Variants in COL6A2 observed in about 807,000 individuals in gnomAD.
COL6A2 encodes collagen type VI alpha 2 chain.
A neutral mutation model predicts 124.9 loss-of-function variants in COL6A2; 90 were observed. That is an observed-to-expected ratio of 0.72 (90% CI 0.61 to 0.86). The LOEUF (loss-of-function observed/expected upper bound fraction) is 0.86, where lower values mean the gene tolerates loss of function less well. COL6A2 is among the 40% of genes least tolerant of loss of function. COL6A2 has a pLI of 0.00. For missense variants in COL6A2, 1,607 were observed against 1,502.5 expected, an observed-to-expected ratio of 1.07 and a Z score of -1.15; for synonymous variants, 793 against 618.2, an observed-to-expected ratio of 1.28 and a Z score of -4.19.
chr21:46,116,493 T>C lies in COL6A2; in HGVS notation c.927+90T>C. 6.3e-7 allele frequency: 1 copy of C among 1,586,654 alleles called. No individual in the cohort carries two copies. Among genetic ancestry groups the C allele is most frequent in the South Asian group, 1.1e-5 (1 of 90,052 alleles). On this transcript the variant is annotated intron_variant, in intron 8 of 27. Coordinates refer to ENST00000300527, the MANE Select transcript of COL6A2 (RefSeq NM_001849.4). This position sits in a 1 kb window ranked among gnomAD's most constrained non-coding sequence, Gnocchi z 4.6. ...GTCCGCCGCAGCCTGTCACTGCTCC[T>C]GGGGCACCGGCCTGGTCTTTTCTCA...
intron 1 of COL6A2, among the ~76,000 whole-genome samples, chr21:46,098,461 G>GC (rs1270775260): frequency 6.6e-6 from 1 of 151,712 alleles, no homozygotes; most frequent in African/African-American, 2.4e-5. Context: ...CGGGGTGGGG[G>GC]GGTCCCTGTC....
At chr21:46,122,467 A>T in intron 19 of COL6A2, 29 bp from the exon 20 acceptor site, 2 of 1,612,836 alleles carry the variant, frequency 1.2e-6, no homozygotes, top group Non-Finnish European at 8.5e-7. Flanking sequence ...TCTGAGGCTG[A>T]GTCACCCTGG....
chr21:46,129,116 G>A (rs1018849101), intron 27 of COL6A2: 35 of 1,606,538 alleles, frequency 2.2e-5, no homozygotes, highest in African/African-American at 4.0e-5. Context: ...CTCTGGCCTC[G>A]CTGAGCGGCT....
intron 27 of COL6A2, 68 bp from the exon 28 acceptor site, chr21:46,131,886 C>A: frequency 7.0e-7 from 1 of 1,424,096 alleles, no homozygotes; most frequent in Non-Finnish European, 9.6e-7. Context: ...GGCACAGGTG[C>A]GGGGCTGGCA....
chr21:46,121,245 C>T (rs1174009142), intron 17 of COL6A2, 122 bp downstream of exon 17: 1 of 994,588 alleles, frequency 1.0e-6, no homozygotes, highest in Non-Finnish European at 1.6e-6. Flanking sequence ...AGAGCCTGGC[C>T]TCAGAAGCCA....
chr21:46,114,424 C>CAAAAAA (rs751941293), intron 5 of COL6A2, among the ~76,000 whole-genome samples: 7 of 96,624 alleles, frequency 7.2e-5, no homozygotes, highest in Non-Finnish European at 1.2e-4. Context: ...GACTCTGTCT[C>CAAAAAA]AAAAAAAAAA....
rs2078579481 is a variant in COL6A2, at chr21:46,122,304, T to G, written c.1572+146T>G. ...CTGCGGGACAGAGTGGTGAGAAGGC[T>G]TCGGGTGACTCAGTGAAGGATAGGT... On this transcript the variant is annotated intron_variant, in intron 19 of 27. Coordinates refer to ENST00000300527, the MANE Select transcript of COL6A2 (RefSeq NM_001849.4). 2.4e-6 allele frequency: 3 copies of G among 1,224,788 alleles called. No individual in the cohort carries two copies. The Admixed American group carries it at 5.9e-5, about 24-fold the overall frequency. The allele number at this position is 1,224,788 out of a possible 1,614,324, so 75.9% of individuals were successfully genotyped here. A position where few individuals can be genotyped will look rare whatever the true frequency, so the allele number is the denominator to read the frequency against.
chr21:46,116,285 C>T lies in COL6A2; in HGVS notation c.901-92C>T, dbSNP rs527835260. 140 of 1,459,312 alleles carry T rather than the reference C, an allele frequency of 9.6e-5. No homozygotes were observed. In the African/African-American group the frequency reaches 1.3e-3, roughly 14 times the overall value. 90.4% of individuals were successfully genotyped at this position (1,459,312 alleles called of 1,614,324 possible). A position where few individuals can be genotyped will look rare whatever the true frequency, so the allele number is the denominator to read the frequency against. On this transcript the variant is annotated intron_variant, in intron 7 of 27. Coordinates refer to ENST00000300527, the MANE Select transcript of COL6A2 (RefSeq NM_001849.4). This position sits in a 1 kb window ranked among gnomAD's most constrained non-coding sequence, Gnocchi z 4.6. ...AGAACACTAGATGCCAGCGGCCCAC[C>T]GAGCACTCCCCTCAGCCTGCAGGGC... is the stretch of plus-strand genomic sequence containing the variant.
chr21:46,105,691 C>G (rs2123599377), intron 1 of COL6A2, among the ~76,000 whole-genome samples: 1 of 152,012 alleles, frequency 6.6e-6, no homozygotes, highest in Admixed American at 6.5e-5. Context: ...AATGCAATCC[C>G]CATGGTAACA....
Position 46,124,540 on chromosome 21 carries a change from C to T in COL6A2, c.1672-111C>T, listed in dbSNP as rs369935000. 0.51 allele frequency: 455,087 copies of T among 888,704 alleles called. 119,019 individuals are homozygous for T. The highest frequency in any genetic ancestry group is 0.64 in the Admixed American group (34,381 of 53,330). The allele number at this position is 888,704 out of a possible 1,614,324, so 55.1% of individuals were successfully genotyped here. A position where few individuals can be genotyped will look rare whatever the true frequency, so the allele number is the denominator to read the frequency against. On this transcript the variant is annotated intron_variant, in intron 21 of 27. Coordinates refer to ENST00000300527, the MANE Select transcript of COL6A2 (RefSeq NM_001849.4). ...GTCTTACTCCTTGCACCTGTTAGCC[C>T]CCCCCCCCGCCAAGGGAGGACCCGT... is the stretch of plus-strand genomic sequence containing the variant.
intron 27 of COL6A2, 92 bp from the exon 28 acceptor site, chr21:46,131,862 G>A: frequency 8.3e-7 from 1 of 1,200,376 alleles, no homozygotes; most frequent in Non-Finnish European, 1.2e-6. Flanking sequence ...TTGCAGGCAG[G>A]GTGCGAATGG....
At position 46,132,190 on chromosome 21, in the gene COL6A2, GCCAT is replaced by G. The variant is rs1416142978; in HGVS notation, c.2702_2705del (p.Ile901ThrfsTer10). On this transcript the variant is annotated frameshift_variant, in exon 28 of 28. Transcript: ENST00000300527. LOFTEE classifies it high-confidence loss of function. ...CTTCCCGCTGAGCCACAACCTCACG[GCCAT>G]CCACGAGGCGCTGGAGACCACACAA... The G allele has an allele frequency of 3.2e-6, 5 of 1,576,078 alleles. No homozygotes were observed. The highest frequency in any genetic ancestry group is 4.3e-6 in the Non-Finnish European group (5 of 1,162,216).
At chr21:46,131,923 C>T (rs1355451749) in intron 27 of COL6A2, 31 bp from the exon 28 acceptor site, 5 of 1,555,912 alleles carry the variant, frequency 3.2e-6, no homozygotes, top group Non-Finnish European at 4.3e-6. Flanking sequence ...CACCTCCCCT[C>T]CGCCCAGCCC....
rs150275851 is a variant in COL6A2, at chr21:46,125,327, CG to C, written c.1816+18del. The C allele has an allele frequency of 0.037, 58,979 of 1,608,120 alleles. 1,300 individuals are homozygous for C. Among genetic ancestry groups the C allele is most frequent in the Non-Finnish European group, 0.044 (51,271 of 1,177,070 alleles). On this transcript the variant is annotated intron_variant, in intron 24 of 27. Coordinates refer to ENST00000300527, the MANE Select transcript of COL6A2 (RefSeq NM_001849.4). ...GGGTGCTGCGGTGAGGCACTGCCCA[CG>C]GCAGGGTCGGGGCCCATGCACCGGG...
chr21:46,107,190 G>A (rs1416578758), intron 1 of COL6A2, among the ~76,000 whole-genome samples: 1 of 151,958 alleles, frequency 6.6e-6, no homozygotes, highest in Non-Finnish European at 1.5e-5. Flanking sequence ...CTGGTTGTTA[G>A]AAAATGTTTC....
Position 46,122,454 on chromosome 21 carries a change from G to A in COL6A2, c.1573-42G>A, listed in dbSNP as rs779814849. 20 of 1,612,672 alleles carry A rather than the reference G, an allele frequency of 1.2e-5. No individual in the cohort carries two copies. The Admixed American group carries it at 2.8e-4, about 23-fold the overall frequency. ...TGCCCAGAGGGAGGAAGGAGCACTGGGATCTGAGGCTGAGTCACCCTGGCT... is the reference window on the plus strand; with the variant it reads ...TGCCCAGAGGGAGGAAGGAGCACTGAGATCTGAGGCTGAGTCACCCTGGCT... On this transcript the variant is annotated intron_variant, in intron 19 of 27. Coordinates refer to ENST00000300527, the MANE Select transcript of COL6A2 (RefSeq NM_001849.4).
intron 27 of COL6A2, chr21:46,129,450 G>T: frequency 6.2e-7 from 1 of 1,602,924 alleles, no homozygotes; most frequent in African/African-American, 1.3e-5. Flanking sequence ...GGTGCACAGG[G>T]ACATCGTGGG....
rs1385466929 is a variant in COL6A2, at chr21:46,124,229, ATGGGTGAC to A, written c.1672-415_1672-408del. Among the ~76,000 whole-genome samples the A allele has an allele frequency of 4.1e-5, 6 of 148,030 alleles. No individual in the cohort carries two copies. The East Asian group carries it at 8.5e-4, about 21-fold the overall frequency. On this transcript the variant is annotated intron_variant, in intron 21 of 27. Transcript: ENST00000300527. The stretch of plus-strand genomic sequence containing the variant: ...GGGTGGCTGGGTGGATGGATGATGG[ATGGGTGAC>A]TGGGTGGATGGATGGATGGGTTAGT...
At chr21:46,121,180 T>C in intron 17 of COL6A2, 57 bp downstream of exon 17, 1 of 1,523,376 alleles carries the variant, frequency 6.6e-7, no homozygotes, top group South Asian at 1.1e-5. Context: ...GTCTCCCCTA[T>C]CCATGTGGGG....
Sources: gnomAD v4.1 joint callset for allele counts (sites outside exome capture counted in the v4.1 genomes callset) on GRCh38, gnomAD v4.1.1 for gene constraint, Gnocchi (gnomAD v3.1) non-coding constraint, MANE v1.5 for transcripts, NCBI Gene and HGNC (gene_info 2026-07-23, HGNC 2026-07-21) for gene names.